Variants in COL4A5 observed in about 807,000 individuals in gnomAD.
The protein encoded by COL4A5 is collagen type IV alpha 5 chain, also known as collagen alpha-5(IV) chain.
A neutral mutation model predicts 130.2 loss-of-function variants in COL4A5; 26 were observed. The observed-to-expected ratio is 0.20, with a 90% CI of 0.15 to 0.28. The LOEUF (loss-of-function observed/expected upper bound fraction) is 0.28. COL4A5 is among the 10% of genes least tolerant of loss of function. The pLI is 1.00. For missense variants in COL4A5, 1,131 were observed against 1,344.3 expected, an observed-to-expected ratio of 0.84 and a Z score of 2.48; for synonymous variants, 496 against 439.6, an observed-to-expected ratio of 1.13 and a Z score of -1.60.
intron 9 of COL4A5, among the ~76,000 whole-genome samples, 155 bp downstream of exon 9, chrX:108,573,809 A>G (rs1344983242): frequency 4.5e-5 from 5 of 111,736 alleles, no homozygotes; most frequent in South Asian, 3.8e-4. Context: ...AATAAAAGCA[A>G]TCTGGACCAG....
intron 1 of COL4A5, among the ~76,000 whole-genome samples, chrX:108,525,907 C>T (rs903401633): frequency 1.8e-5 from 2 of 111,581 alleles, no homozygotes; most frequent in African/African-American, 3.3e-5. Flanking sequence ...GCATCATCTT[C>T]TGTTCTATGA....
chrX:108,597,396 G>C lies in COL4A5; in HGVS notation c.1607G>C (p.Gly536Ala). Residue 536 changes from glycine to alanine, a missense_variant, in exon 24 of 53, where the codon GGT becomes GCT. Transcript: ENST00000328300. ...TTTCAGGGCATTCCAGGAGCTCCAG[G>C]TGCTCCAGGCTTTCCTGGATCTAAA... ...KGLPGIPGAP[G>A]APGFPGSKGE... 1 of 1,209,748 alleles carries C rather than the reference G, an allele frequency of 8.3e-7. No individual in the cohort carries two copies. The highest frequency in any genetic ancestry group is 1.1e-6 in the Non-Finnish European group (1 of 894,582).
intron 2 of COL4A5, among the ~76,000 whole-genome samples, chrX:108,557,084 A>C (rs1390436602): frequency 1.8e-5 from 2 of 111,417 alleles, no homozygotes; most frequent in African/African-American, 6.5e-5. Context: ...TTCTGAGAAA[A>C]TATGGCTTTC....
chrX:108,479,011 G>A (rs1264096047), intron 1 of COL4A5, among the ~76,000 whole-genome samples: 1 of 112,246 alleles, frequency 8.9e-6, no homozygotes. Flanking sequence ...GCATTGATGA[G>A]TGCAAGCCCA....
chrX:108,558,260 A>T (rs193149320), intron 2 of COL4A5, among the ~76,000 whole-genome samples: 1 of 110,299 alleles, frequency 9.1e-6, no homozygotes, highest in East Asian at 2.9e-4. Context: ...GTGTAACTGG[A>T]TCCCCTAGTT....
intron 29 of COL4A5, among the ~76,000 whole-genome samples, chrX:108,608,781 C>T (rs1272327061): frequency 1.8e-5 from 2 of 111,473 alleles, no homozygotes; most frequent in African/African-American, 6.5e-5. Context: ...AGAAATTTTC[C>T]TTATGCCCCT....
At chrX:108,543,150 G>A (rs1158716298) in intron 2 of COL4A5, among the ~76,000 whole-genome samples, 3 of 110,206 alleles carry the variant, frequency 2.7e-5, no homozygotes. Flanking sequence ...TGTTGCCATT[G>A]CTTTTGGTGT....
In COL4A5 at chrX:108,440,157, G is replaced by A. The variant is rs769068931; in HGVS notation, c.32G>A (p.Gly11Asp). ...CTGCGTGGAGTCAGCCTGGCTGCCG[G>A]CTTGTTCTTACTGGCCCTGAGTCTT... MKLRGVSLAAGLFLLALSLWG... is the reference protein window; with the variant it reads MKLRGVSLAADLFLLALSLWG... The change falls in exon 1 of 53, where the codon GGC (glycine) becomes GAC (aspartate). Residue 11 changes from glycine to aspartate, a missense_variant. Transcript: ENST00000328300. The A allele has an allele frequency of 1.7e-6, 2 of 1,209,206 alleles. No individual in the cohort carries two copies. The highest frequency in any genetic ancestry group is 2.2e-6 in the Non-Finnish European group (2 of 894,538).
At chrX:108,566,439 C>T (rs1294924487) in intron 4 of COL4A5, among the ~76,000 whole-genome samples, 1 of 111,417 alleles carries the variant, frequency 9.0e-6, no homozygotes, top group East Asian at 2.8e-4. Flanking sequence ...CATGCTCATC[C>T]TTGGCATTTC....
At chrX:108,638,461 A>G (rs2067395661) in intron 36 of COL4A5, among the ~76,000 whole-genome samples, 1 of 112,012 alleles carries the variant, frequency 8.9e-6, no homozygotes, top group Non-Finnish European at 1.9e-5. Context: ...AAAAACCCAC[A>G]GCTAACAATG....
chrX:108,447,934 G>T (rs1438931154), intron 1 of COL4A5, among the ~76,000 whole-genome samples: 1 of 111,145 alleles, frequency 9.0e-6, no homozygotes, highest in Non-Finnish European at 1.9e-5. Context: ...GAGGATTTTA[G>T]AGAAACACCT....
At position 108,627,421 on chromosome X, in the gene COL4A5, A is replaced by C. The variant is rs2067172971; in HGVS notation, c.3246+1072A>C. On this transcript the variant is annotated intron_variant, in intron 36 of 52. Transcript: ENST00000328300. Reference sequence around the variant, plus strand: ...ATAGAGTTTGGGGTTTTTTCTACACATTGTGTATATGTAGAATCATGGTAT... The same window carrying C: ...ATAGAGTTTGGGGTTTTTTCTACACCTTGTGTATATGTAGAATCATGGTAT... 3 of 734,494 alleles carry C rather than the reference A, an allele frequency of 4.1e-6. No homozygotes were observed. The South Asian group carries it at 2.1e-4, about 51-fold the overall frequency. 60.5% of individuals were successfully genotyped at this position (734,494 alleles called of 1,213,427 possible). A position where few individuals can be genotyped will look rare whatever the true frequency, so the allele number is the denominator to read the frequency against.
intron 48 of COL4A5, among the ~76,000 whole-genome samples, chrX:108,686,998 C>T (rs1000623675): frequency 3.6e-5 from 4 of 111,869 alleles, no homozygotes; most frequent in Non-Finnish European, 5.6e-5. Context: ...CCTGTATATA[C>T]AGAAAATTAT....
intron 42 of COL4A5, chrX:108,670,762 C>T: frequency 3.1e-6 from 1 of 319,546 alleles, no homozygotes; most frequent in Admixed American, 3.2e-5. Context: ...ACTAATAGGG[C>T]CGGGCACCAT....
At chrX:108,572,435 G>T (rs1009366016) in intron 8 of COL4A5, among the ~76,000 whole-genome samples, 1 of 111,335 alleles carries the variant, frequency 9.0e-6, no homozygotes, top group African/African-American at 3.3e-5. Flanking sequence ...CCTCCCTGTG[G>T]CTCCTCATAT....
At chrX:108,448,060 C>T (rs1191928678) in intron 1 of COL4A5, among the ~76,000 whole-genome samples, 1 of 111,939 alleles carries the variant, frequency 8.9e-6, no homozygotes, top group East Asian at 2.8e-4. Flanking sequence ...CACTTTGTGC[C>T]TTTAGCAGCT....
In COL4A5 at chrX:108,458,706, T is replaced by C. The variant is rs1023810630; in HGVS notation, c.81+18500T>C. ...TTTATTAAGATCATCTTTGGCCGGG[T>C]GCGGTGGCTCACGCCTGTAATCCGA... On this transcript the variant is annotated intron_variant, in intron 1 of 52. Coordinates refer to ENST00000328300, the MANE Select transcript of COL4A5 (RefSeq NM_033380.3). 6.3e-5 allele frequency among the ~76,000 whole-genome samples: 7 copies of C among 111,873 alleles called. No homozygotes were observed. In the Admixed American group the frequency reaches 6.6e-4, roughly 11 times the overall value.
chrX:108,477,148 C>T (rs752858079), intron 1 of COL4A5, among the ~76,000 whole-genome samples: 28 of 111,622 alleles, frequency 2.5e-4, no homozygotes, highest in Non-Finnish European at 4.5e-4. Context: ...ATGTTAATCT[C>T]TTTTGGTGAC....
chrX:108,509,543 A>T (rs2065161034), intron 1 of COL4A5, among the ~76,000 whole-genome samples: 1 of 112,354 alleles, frequency 8.9e-6, no homozygotes, highest in African/African-American at 3.2e-5. Flanking sequence ...TGCGGCCAAC[A>T]CACATGAAAA....
Sources: gnomAD v4.1 joint callset for allele counts (sites outside exome capture counted in the v4.1 genomes callset) on GRCh38, gnomAD v4.1.1 for gene constraint, MANE v1.5 for transcripts, NCBI Gene and HGNC (gene_info 2026-07-23, HGNC 2026-07-21) for gene names.